COL23A1: variants seen among roughly 807,000 people sequenced by gnomAD.
COL23A1 encodes collagen type XXIII alpha 1 chain.
In COL23A1, 97 loss-of-function variants were observed where a neutral mutation model predicts 99.3. The ratio of observed to expected loss-of-function variants is 0.98; its 90% CI spans 0.83 to 1.16. The LOEUF is 1.16. Among genes scored for constraint, COL23A1 ranks in the 50% most tolerant of loss-of-function variants. The pLI, the probability that COL23A1 is intolerant of heterozygous loss-of-function variation, is 0.00. For synonymous variants in COL23A1, 320 were observed against 308.2 expected (o/e 1.04, Z -0.40); for missense variants, 762 against 757.4 (o/e 1.01, Z -0.07).
intron 2 of COL23A1, among the ~76,000 whole-genome samples, chr5:178,465,609 ACTCTG>A (rs1756374476): frequency 6.6e-6 from 1 of 152,056 alleles, no homozygotes; most frequent in Non-Finnish European, 1.5e-5. Context: ...GAAGAGGCCC[ACTCTG>A]GCCTCAGCGT....
chr5:178,443,276 G>A (rs1179280397), intron 2 of COL23A1, among the ~76,000 whole-genome samples: 1 of 152,178 alleles, frequency 6.6e-6, no homozygotes, highest in African/African-American at 2.4e-5. Context: ...AGCCTCGAGC[G>A]CTCTTCCTAA....
intron 2 of COL23A1, among the ~76,000 whole-genome samples, chr5:178,520,733 T>C (rs1759893903): frequency 6.6e-6 from 1 of 152,218 alleles, no homozygotes; most frequent in Non-Finnish European, 1.5e-5. Context: ...GGCGATCCAC[T>C]TCCTACCATG....
chr5:178,394,832 T>C (rs542785626), intron 2 of COL23A1, among the ~76,000 whole-genome samples: 3 of 152,016 alleles, frequency 2.0e-5, no homozygotes, highest in Admixed American at 2.0e-4. Context: ...TTGAGCTAAT[T>C]AGTCATGCTA....
At chr5:178,278,049 G>A (rs58007106) in intron 5 of COL23A1, among the ~76,000 whole-genome samples, 12,224 of 152,284 alleles carry the variant, frequency 0.08, 556 homozygotes, top group Admixed American at 0.087. Flanking sequence ...GGTGCCAGCC[G>A]TGGATGGGGT....
At chr5:178,498,655 A>G (rs552711764) in intron 2 of COL23A1, among the ~76,000 whole-genome samples, 7 of 152,334 alleles carry the variant, frequency 4.6e-5, no homozygotes, top group Admixed American at 1.3e-4. Context: ...TTAAGTCCGA[A>G]TAAATCAATA....
At chr5:178,248,132 G>T in intron 20 of COL23A1, 60 bp downstream of exon 20, 1 of 1,264,038 alleles carries the variant, frequency 7.9e-7, no homozygotes, top group Non-Finnish European at 1.1e-6. Flanking sequence ...AAGGCTCAGG[G>T]TCCCCACCCA....
At chr5:178,542,075 G>A (rs531028245) in intron 2 of COL23A1, among the ~76,000 whole-genome samples, 199 of 152,318 alleles carry the variant, frequency 1.3e-3, no homozygotes, top group African/African-American at 4.7e-3. Context: ...CCAGGCTGGA[G>A]TGCAGTGGCA....
chr5:178,306,035 T>C lies in COL23A1; in HGVS notation c.406+840A>G, dbSNP rs901681435. On this transcript the variant is annotated intron_variant, in intron 3 of 28. Coordinates refer to ENST00000390654, the MANE Select transcript of COL23A1 (RefSeq NM_173465.4). This position sits in a 1 kb window ranked among gnomAD's most constrained non-coding sequence, Gnocchi z 4.1. ...TGTGGCTGGAGGCAGGGAGAGGACA[T>C]GGTCAGTGTCACAGCAGTGGGAGAC... Among the ~76,000 whole-genome samples the C allele has an allele frequency of 3.4e-4, 52 of 151,814 alleles. 2 individuals carry two copies. The highest frequency in any genetic ancestry group is 4.4e-5 in the Non-Finnish European group (3 of 67,950).
intron 3 of COL23A1, among the ~76,000 whole-genome samples, chr5:178,294,918 G>T (rs923945318): frequency 6.6e-5 from 10 of 152,236 alleles, no homozygotes; most frequent in African/African-American, 2.4e-4. Flanking sequence ...GAGGCAGGCG[G>T]ATCACTTGAG....
intron 2 of COL23A1, among the ~76,000 whole-genome samples, chr5:178,318,902 CAA>C (rs34021116): frequency 7.3e-5 from 10 of 136,984 alleles, no homozygotes; most frequent in African/African-American, 8.1e-5. Context: ...ACTTCATCTC[CAA>C]AAAAAAAAAA....
intron 2 of COL23A1, among the ~76,000 whole-genome samples, chr5:178,549,617 A>G (rs1350721812): frequency 6.6e-6 from 1 of 151,974 alleles, no homozygotes; most frequent in African/African-American, 2.4e-5. Flanking sequence ...GGAGTTTGAG[A>G]CCAGCCTGAC....
chr5:178,532,079 G>A (rs566664703), intron 2 of COL23A1, among the ~76,000 whole-genome samples: 54 of 152,314 alleles, frequency 3.5e-4, no homozygotes, highest in Non-Finnish European at 4.7e-4. Flanking sequence ...GCCATCTGCC[G>A]ACGTGGGCAG....
chr5:178,375,157 T>C (rs557230161), intron 2 of COL23A1, among the ~76,000 whole-genome samples: 1 of 151,912 alleles, frequency 6.6e-6, no homozygotes, highest in Non-Finnish European at 1.5e-5. Context: ...GGAAGTGACA[T>C]GAACCACAGA....
chr5:178,244,541 C>T (rs1291372563), intron 25 of COL23A1, among the ~76,000 whole-genome samples: 1 of 152,186 alleles, frequency 6.6e-6, no homozygotes, highest in Admixed American at 6.5e-5. Flanking sequence ...TGGAGTTCTA[C>T]TCTGGAGTCA....
chr5:178,352,223 C>G (rs1379951860), intron 2 of COL23A1: 1 of 152,208 alleles, frequency 6.6e-6, no homozygotes, highest in Non-Finnish European at 1.5e-5. Context: ...GCAGGCGGTT[C>G]TGTGACTGGA....
intron 2 of COL23A1, among the ~76,000 whole-genome samples, chr5:178,463,935 C>A (rs1369616130): frequency 6.6e-6 from 1 of 151,730 alleles, no homozygotes. Context: ...GCAGAACGAA[C>A]CTCTTGTTGT....
intron 16 of COL23A1, among the ~76,000 whole-genome samples, chr5:178,252,829 C>A (rs1158787517): frequency 6.6e-6 from 1 of 152,204 alleles, no homozygotes; most frequent in Non-Finnish European, 1.5e-5. Context: ...GACAAGACAC[C>A]AGTGTCTGCT....
chr5:178,261,329 G>A (rs1765612547), intron 11 of COL23A1, among the ~76,000 whole-genome samples: 1 of 151,990 alleles, frequency 6.6e-6, no homozygotes, highest in African/African-American at 2.4e-5. Flanking sequence ...CAGGAGAATT[G>A]TTTGAACCCA....
intron 1 of COL23A1, among the ~76,000 whole-genome samples, chr5:178,565,981 A>G (rs950663496): frequency 6.7e-6 from 1 of 148,800 alleles, no homozygotes; most frequent in African/African-American, 2.5e-5. Flanking sequence ...AAAAAAAATT[A>G]GCCGGGCGTA....
Sources: allele counts gnomAD v4.1 joint callset (sites outside exome capture counted in the v4.1 genomes callset), GRCh38; gene constraint gnomAD v4.1.1; non-coding constraint Gnocchi (gnomAD v3.1); transcripts MANE v1.5; gene names NCBI Gene and HGNC (gene_info 2026-07-23, HGNC 2026-07-21).